DLGAP3: variants seen among roughly 807,000 people sequenced by gnomAD.
DLGAP3 encodes the protein disks large-associated protein 3.
In DLGAP3, 17 loss-of-function variants were observed where a neutral mutation model predicts 81.2. That is an observed-to-expected ratio of 0.21 (90% CI 0.14 to 0.31). The LOEUF (loss-of-function observed/expected upper bound fraction) is 0.31. DLGAP3 is among the 10% of genes least tolerant of loss of function. The probability of loss-of-function intolerance (pLI) is 1.00; values close to 1 mark genes in which losing one functional copy is unlikely to be tolerated. For synonymous variants in DLGAP3, 577 were observed against 587.4 expected (o/e 0.98, Z 0.26); for missense variants, 1,124 against 1,388.0 (o/e 0.81, Z 3.02).
intron 5 of DLGAP3, among the ~76,000 whole-genome samples, chr1:34,886,746 A>G: frequency 6.6e-6 from 1 of 151,802 alleles, no homozygotes; most frequent in Non-Finnish European, 1.5e-5. Context: ...ATTACATTAC[A>G]AAATTGATTG....
At chr1:34,894,152 C>T (rs754496077) in intron 5 of DLGAP3, among the ~76,000 whole-genome samples, 1 of 151,894 alleles carries the variant, frequency 6.6e-6, no homozygotes, top group Non-Finnish European at 1.5e-5. Context: ...CACACCACTA[C>T]CTTGTAGCTT....
In DLGAP3 at chr1:34,904,437, G is replaced by A. The variant is rs759110951; in HGVS notation, c.947C>T (p.Thr316Ile). ...TCCATCCAGTGACATGGACATGCCA[G>A]TGCAGGCAAGGCAGCGGCCTTCCGA... ...GGSEGRCLAC[T>I]GMSMSLDGQS... The change falls in exon 3 of 12, where the codon ACT becomes ATT. Residue 316 changes from threonine to isoleucine, a missense_variant. Physicochemically the swap from Thr to Ile is moderately conservative, Grantham distance 89 (BLOSUM62 -1). Around this residue, in one of 9 missense-constraint regions of DLGAP3, gnomAD observed 357 missense variants for 408.8 expected, o/e 0.87. Transcript: ENST00000373347. The surrounding 1 kb of genome is among the most constrained non-coding windows in gnomAD (Gnocchi z 8.1). 2 of 1,614,038 alleles carry A rather than the reference G, an allele frequency of 1.2e-6. No homozygotes were observed. Among genetic ancestry groups the A allele is most frequent in the Non-Finnish European group, 1.7e-6 (2 of 1,180,050 alleles).
In DLGAP3 at chr1:34,899,741, G is replaced by A. The variant is rs1467254115; in HGVS notation, c.1314C>T (p.Asn438=). 3 of 1,613,910 alleles carry A rather than the reference G, an allele frequency of 1.9e-6. No homozygotes were observed. Among genetic ancestry groups the A allele is most frequent in the Admixed American group, 3.3e-5 (2 of 60,024 alleles). ...GGTGGATCCGGGGTGGGACACAGCA[G>A]CTGGAAAAGGGCAAAATTCCGGAGT... ...RSSSVDQARI[N]CCVPPRIHPR... is the part of the protein sequence containing the mutation. The change falls in exon 5 of 12, where the codon AAC becomes AAT. Residue 438 remains asparagine, a splice_region_variant and synonymous_variant. Transcript: ENST00000373347.
At chr1:34,866,505 C>T (rs777313745) in intron 11 of DLGAP3, among the ~76,000 whole-genome samples, 11 of 152,172 alleles carry the variant, frequency 7.2e-5, no homozygotes, top group Non-Finnish European at 1.3e-4. Context: ...TCCACCAAAG[C>T]GCGGCGCGTT....
intron 5 of DLGAP3, 140 bp from the exon 6 acceptor site, chr1:34,886,425 C>A: frequency 1.2e-6 from 1 of 847,390 alleles, no homozygotes; most frequent in Non-Finnish European, 1.8e-6. Flanking sequence ...CTAAAAGAAA[C>A]TCTAACTCTT....
intron 8 of DLGAP3, among the ~76,000 whole-genome samples, chr1:34,877,343 C>T (rs868854686): frequency 2.6e-5 from 4 of 152,174 alleles, no homozygotes; most frequent in Admixed American, 1.3e-4. Flanking sequence ...GCTGGGAAAT[C>T]GGAACATGAA....
Position 34,867,180 on chromosome 1 carries a change from C to G in DLGAP3, c.2589G>C (p.Ala863=). Residue 863 remains alanine, a synonymous_variant, in exon 11 of 12, where the codon GCG becomes GCC. Transcript: ENST00000373347. This position sits in a 1 kb window ranked among gnomAD's most constrained non-coding sequence, Gnocchi z 4.3. ...GGTCCTGGAAGGTGGGCACAGGGAACGCAGTGGGATCCTGCAACAGAGGAA... is the reference window on the plus strand; with the variant it reads ...GGTCCTGGAAGGTGGGCACAGGGAAGGCAGTGGGATCCTGCAACAGAGGAA... ...RLCQQSMDPT[A]FPVPTFQDLA... 1 of 1,614,128 alleles carries G rather than the reference C, an allele frequency of 6.2e-7. No individual in the cohort carries two copies. Among genetic ancestry groups the G allele is most frequent in the Non-Finnish European group, 8.5e-7 (1 of 1,180,018 alleles).
rs144533763 is a variant in DLGAP3 at position 34,868,496 on chromosome 1, C to T, written c.2485+109G>A. 3,123 of 914,852 alleles carry T rather than the reference C, an allele frequency of 3.4e-3. 43 individuals carry two copies. Among genetic ancestry groups the T allele is most frequent in the Admixed American group, 0.028 (1,574 of 55,458 alleles). The allele number at this position is 914,852 out of a possible 1,614,324, so 56.7% of individuals were successfully genotyped here. ...TGCAGAAGACCAGTGAGGCACCAAC[C>T]GAAGGGGCCTCCTGTTACACTGCAG... On this transcript the variant is annotated intron_variant, in intron 9 of 11. Transcript: ENST00000373347. This position sits in a 1 kb window ranked among gnomAD's most constrained non-coding sequence, Gnocchi z 7.5.
chr1:34,884,882 G>C (rs917540607), intron 8 of DLGAP3, 96 bp downstream of exon 8: 96 of 969,274 alleles, frequency 9.9e-5, no homozygotes, highest in Non-Finnish European at 1.2e-4. Context: ...TCCAGGAAAA[G>C]AGGATGTGCA....
In DLGAP3 at chr1:34,889,499, A is replaced by G. The variant is rs540439313; in HGVS notation, c.1387-3214T>C. Among the ~76,000 whole-genome samples, 24 of 152,354 alleles carry G rather than the reference A, an allele frequency of 1.6e-4. No individual in the cohort carries two copies. The South Asian group carries it at 5.0e-3, about 32-fold the overall frequency. On this transcript the variant is annotated intron_variant, in intron 5 of 11. Coordinates refer to ENST00000373347, the MANE Select transcript of DLGAP3 (RefSeq NM_001080418.3). Reference sequence around the variant, plus strand: ...TCCATTTACAGGAGACTCAAAGTCAAAGAATCCTCTTGGGATGAGATCCTT... The same window carrying G: ...TCCATTTACAGGAGACTCAAAGTCAGAGAATCCTCTTGGGATGAGATCCTT...
rs1638896248 is a variant in DLGAP3, at chr1:34,867,119, C to G, written c.2650G>C (p.Glu884Gln). 3 of 1,614,018 alleles carry G rather than the reference C, an allele frequency of 1.9e-6. No individual in the cohort carries two copies. Among genetic ancestry groups the G allele is most frequent in the African/African-American group, 2.7e-5 (2 of 74,902 alleles). The change falls in exon 11 of 12, where the codon GAG (glutamate) becomes CAG (glutamine). Residue 884 changes from glutamate (E) to glutamine (Q), a missense_variant. Glu to Gln is a conservative substitution (Grantham distance 29). Transcript: ENST00000373347. This position sits in a 1 kb window ranked among gnomAD's most constrained non-coding sequence, Gnocchi z 4.3. ...GFWDLLQLSI[E>Q]DVTLKFLELQ... ...TCCAGGAACTTGAGGGTCACATCCTCGATGGAGAGCTGTAGGAGGTCCCAG... is the reference window on the plus strand; with the variant it reads ...TCCAGGAACTTGAGGGTCACATCCTGGATGGAGAGCTGTAGGAGGTCCCAG...
chr1:34,869,490 T>G (rs1193855866), intron 8 of DLGAP3, among the ~76,000 whole-genome samples: 1 of 148,420 alleles, frequency 6.7e-6, no homozygotes, highest in African/African-American at 2.5e-5. Flanking sequence ...ATTTTTTTTT[T>G]TTTTTTTTTT....
In DLGAP3 at chr1:34,866,154, G is replaced by T. The variant is rs765837114; in HGVS notation, c.2869C>A (p.Arg957Ser). The change falls in exon 12 of 12, where the codon CGC (arginine) becomes AGC (serine). Residue 957 changes from arginine to serine, a missense_variant. Arg to Ser is a moderately radical substitution (Grantham distance 110, BLOSUM62 -1). Coordinates refer to ENST00000373347, the MANE Select transcript of DLGAP3 (RefSeq NM_001080418.3). ...LLAAKRAASF[R>S]HSSATESADS... ...GCGCTCTCGGTGGCCGAGCTGTGGC[G>T]GAAGGAAGCGGCGCGCTTGGCCGCC... The T allele has an allele frequency of 6.3e-7, 1 of 1,598,150 alleles. No homozygotes were observed. The highest frequency in any genetic ancestry group is 8.5e-7 in the Non-Finnish European group (1 of 1,178,870).
chr1:34,897,495 TG>T (rs1639396729), intron 5 of DLGAP3, among the ~76,000 whole-genome samples: 1 of 152,032 alleles, frequency 6.6e-6, no homozygotes, highest in Non-Finnish European at 1.5e-5. Context: ...GGGAGTCTAG[TG>T]TGGCTGGAGT....
intron 5 of DLGAP3, 41 bp from the exon 6 acceptor site, chr1:34,886,326 G>A (rs368267614): frequency 1.3e-6 from 2 of 1,516,516 alleles, no homozygotes; most frequent in African/African-American, 1.4e-5. Context: ...TAAGGTGCCG[G>A]GAGGGGGTGG....
intron 5 of DLGAP3, among the ~76,000 whole-genome samples, chr1:34,897,878 G>A (rs1301547203): frequency 2.0e-5 from 3 of 152,164 alleles, no homozygotes; most frequent in South Asian, 2.1e-4. Context: ...TGAGTTGTGA[G>A]AGAGAGAAAG....
rs933163184 is a variant in DLGAP3 at position 34,895,150 on chromosome 1, G to A, written c.1386+4519C>T. 6.6e-5 allele frequency among the ~76,000 whole-genome samples: 10 copies of A among 152,210 alleles called. No homozygotes were observed. Among genetic ancestry groups the A allele is most frequent in the East Asian group, 3.9e-4 (2 of 5,178 alleles). On this transcript the variant is annotated intron_variant, in intron 5 of 11. Transcript: ENST00000373347. The surrounding 1 kb of genome is among the most constrained non-coding windows in gnomAD (Gnocchi z 4.5). ...TGGGAGGCCAAGGCAGGCGGATGAC[G>A]AGGTCAGGAGATCGAGACGATCCTG...
rs1183042802 is a variant in DLGAP3 at position 34,904,661 on chromosome 1, C to T, written c.723G>A (p.Arg241=). 1.2e-6 allele frequency: 2 copies of T among 1,613,992 alleles called. No homozygotes were observed. Among genetic ancestry groups the T allele is most frequent in the Non-Finnish European group, 1.7e-6 (2 of 1,180,038 alleles). ...CCCCCTTGCGGTCCTTGCTCTTGCTCCTCTTGCCGTGCCGGGACTGGTGGT... is the reference window on the plus strand; with the variant it reads ...CCCCCTTGCGGTCCTTGCTCTTGCTTCTCTTGCCGTGCCGGGACTGGTGGT... ...HHHHQSRHGK[R]SKSKDRKGDG... The change falls in exon 3 of 12, where the codon AGG becomes AGA. Residue 241 remains arginine, a synonymous_variant. Transcript: ENST00000373347. The surrounding 1 kb of genome is among the most constrained non-coding windows in gnomAD (Gnocchi z 8.1).
chr1:34,916,934 G>A (rs767043702), intron 1 of DLGAP3, among the ~76,000 whole-genome samples: 46 of 152,186 alleles, frequency 3.0e-4, no homozygotes, highest in East Asian at 1.4e-3. Flanking sequence ...CCCTGACCTC[G>A]TGATCTGCCC....
Sources: allele counts gnomAD v4.1 joint callset (sites outside exome capture counted in the v4.1 genomes callset), GRCh38; gene constraint gnomAD v4.1.1; regional missense constraint gnomAD v4.1.1; non-coding constraint Gnocchi (gnomAD v3.1); transcripts MANE v1.5; gene names NCBI Gene and HGNC (gene_info 2026-07-23, HGNC 2026-07-21).